TACC3: variants seen among roughly 807,000 people sequenced by gnomAD.
TACC3 encodes transforming acidic coiled-coil containing protein 3.
Under a neutral mutation model 86.0 loss-of-function variants are expected in TACC3, and 52 were observed. That is an observed-to-expected ratio of 0.60 (90% CI 0.48 to 0.76). TACC3 has a LOEUF of 0.76. Among genes scored for constraint, TACC3 ranks in the 30% least tolerant of loss-of-function variants. TACC3 has a pLI of 0.00. For missense variants in TACC3, 1,120 were observed against 1,070.4 expected (o/e 1.05, Z -0.65); for synonymous variants, 512 against 430.0 (o/e 1.19, Z -2.36).
intron 1 of TACC3, among the ~76,000 whole-genome samples, chr4:1,722,417 C>G (rs752913559): frequency 6.6e-6 from 1 of 152,188 alleles, no homozygotes; most frequent in Non-Finnish European, 1.5e-5. Context: ...GTGCCAGTGG[C>G]CAGGCCCGGG....
chr4:1,734,802 A>G (rs1458539788), intron 6 of TACC3, among the ~76,000 whole-genome samples: 1 of 151,992 alleles, frequency 6.6e-6, no homozygotes, highest in African/African-American at 2.4e-5. Flanking sequence ...TCCCTGTAAT[A>G]GGAGTGCAGC....
chr4:1,729,932 C>T (rs945497272), intron 4 of TACC3, among the ~76,000 whole-genome samples: 1 of 152,252 alleles, frequency 6.6e-6, no homozygotes, highest in Admixed American at 6.5e-5. Context: ...CCTCCAGTGG[C>T]CCTGTCCGGG....
chr4:1,724,190 T>C (rs1717570817), intron 3 of TACC3, among the ~76,000 whole-genome samples: 1 of 151,694 alleles, frequency 6.6e-6, no homozygotes, highest in Non-Finnish European at 1.5e-5. Flanking sequence ...AGGATGGTCT[T>C]GATCTCCTCC....
intron 6 of TACC3, among the ~76,000 whole-genome samples, chr4:1,733,500 C>T (rs1466389234): frequency 1.8e-5 from 2 of 110,626 alleles, no homozygotes; most frequent in Non-Finnish European, 1.9e-5. Flanking sequence ...CAAAAAAAAC[C>T]TTTTTTTTTA....
intron 13 of TACC3, 113 bp from the exon 14 acceptor site, chr4:1,744,405 C>A (rs573602272): frequency 2.1e-6 from 2 of 969,686 alleles, no homozygotes; most frequent in Admixed American, 4.7e-5. Flanking sequence ...GAGCTACTGG[C>A]TCACGGCTGA....
chr4:1,723,845 C>T lies in TACC3; in HGVS notation c.280C>T (p.His94Tyr), dbSNP rs1453429860. The change falls in exon 3 of 16, where the codon CAC (histidine) becomes TAC (tyrosine). Residue 94 changes from histidine to tyrosine, a missense_variant. Coordinates refer to ENST00000313288, the MANE Select transcript of TACC3 (RefSeq NM_006342.3). ...TGACACCCTTGGACTGGAAAACTCA[C>T]ACCCGGTCTGGACACAGAAAGAGAA... ...QDDTLGLENSHPVWTQKENQQ... is the reference protein window; with the variant it reads ...QDDTLGLENSYPVWTQKENQQ... 9 of 1,613,404 alleles carry T rather than the reference C, an allele frequency of 5.6e-6. No individual in the cohort carries two copies. The highest frequency in any genetic ancestry group is 3.3e-5 in the Admixed American group (2 of 60,000).
At chr4:1,740,062 T>A in intron 12 of TACC3, 60 bp downstream of exon 12, 1 of 1,572,292 alleles carries the variant, frequency 6.4e-7, no homozygotes, top group Non-Finnish European at 8.7e-7. Context: ...TGCCCCACCC[T>A]GGCCCTGCCC....
At chr4:1,736,641 G>T (rs1718280879) in intron 8 of TACC3, among the ~76,000 whole-genome samples, 2 of 152,100 alleles carry the variant, frequency 1.3e-5, no homozygotes, top group Non-Finnish European at 2.9e-5. Flanking sequence ...GGGCGCAGTG[G>T]CTCACACCTG....
intron 3 of TACC3, among the ~76,000 whole-genome samples, chr4:1,725,635 A>G (rs1008009721): frequency 3.0e-4 from 46 of 152,262 alleles, no homozygotes; most frequent in African/African-American, 1.1e-3. Context: ...AGCAGCCTCC[A>G]TAGGGCAGAG....
At chr4:1,743,213 G>A (rs1358259462) in intron 13 of TACC3, among the ~76,000 whole-genome samples, 4 of 143,460 alleles carry the variant, frequency 2.8e-5, no homozygotes, top group Non-Finnish European at 4.5e-5. Context: ...CCAAGATCGC[G>A]CCATCACACT....
Position 1,737,678 on chromosome 4 carries a change from C to T in TACC3, c.1917C>T (p.Tyr639=), listed in dbSNP as rs1312541835. The part of the protein sequence containing the change: ...STGPIVDLLQ[Y]SQKDLDAVVK... ...GACCTATAGTGGACCTGCTCCAGTA[C>T]AGCCAGAAGGACCTGGATGCAGTGG... The change falls in exon 10 of 16, where the codon TAC becomes TAT. Residue 639 remains tyrosine, a synonymous_variant. Coordinates refer to ENST00000313288, the MANE Select transcript of TACC3 (RefSeq NM_006342.3). 1.3e-6 allele frequency: 2 copies of T among 1,550,954 alleles called. No homozygotes were observed. Among genetic ancestry groups the T allele is most frequent in the Non-Finnish European group, 1.7e-6 (2 of 1,146,852 alleles).
intron 3 of TACC3, among the ~76,000 whole-genome samples, chr4:1,725,547 G>A (rs1261454330): frequency 9.2e-5 from 14 of 152,188 alleles, no homozygotes; most frequent in African/African-American, 2.4e-4. Flanking sequence ...CAGAGAAGTC[G>A]CCTCCCAGCT....
intron 6 of TACC3, among the ~76,000 whole-genome samples, chr4:1,731,721 C>G (rs970090546): frequency 2.6e-5 from 4 of 152,160 alleles, no homozygotes; most frequent in African/African-American, 7.2e-5. Context: ...ATGCAACCTC[C>G]ACTTCCCAGG....
rs536952943 is a variant in TACC3 at position 1,739,621 on chromosome 4, G to T, written c.1942-81G>T. On this transcript the variant is annotated intron_variant, in intron 10 of 15. Transcript: ENST00000313288. ...ACATTGCTCCAGGGACCTCGGGTGC[G>T]GGCTGGCCCCATCCTGTGGGGAGGT... 6 of 1,336,780 alleles carry T rather than the reference G, an allele frequency of 4.5e-6. No individual in the cohort carries two copies. The Admixed American group carries it at 1.0e-4, about 23-fold the overall frequency. The allele number at this position is 1,336,780 out of a possible 1,614,324, so 82.8% of individuals were successfully genotyped here.
rs377098346 is a variant in TACC3 at position 1,745,038 on chromosome 4, C to T, written c.*25C>T. On this transcript the variant is annotated 3_prime_UTR_variant, in exon 16 of 16. Coordinates refer to ENST00000313288, the MANE Select transcript of TACC3 (RefSeq NM_006342.3). ...ACCTCCACGGAGCCGCTGTCCCCGC[C>T]CCCCTGCTCCCGTCTGTCTGTCCTG... 66 of 1,586,482 alleles carry T rather than the reference C, an allele frequency of 4.2e-5. No homozygotes were observed. In the African/African-American group the frequency reaches 7.8e-4, roughly 19 times the overall value.
In TACC3 at chr4:1,735,507, TG is replaced by T. The variant is rs1435539432; in HGVS notation, c.1644+184del. Among the ~76,000 whole-genome samples, 1 of 152,120 alleles carries T rather than the reference TG, an allele frequency of 6.6e-6. No individual in the cohort carries two copies. Among genetic ancestry groups the T allele is most frequent in the African/African-American group, 2.4e-5 (1 of 41,418 alleles). On this transcript the variant is annotated intron_variant, in intron 7 of 15. Transcript: ENST00000313288. The surrounding 1 kb of genome is among the most constrained non-coding windows in gnomAD (Gnocchi z 4.2). ...AGCACCTCCTCTAAGTGGTGTCCTG[TG>T]GCAGGGCTCTAGGGCTCTCTACCTG...
At chr4:1,731,138 G>T (rs1377910379) in intron 5 of TACC3, 34 bp from the exon 6 acceptor site, 2 of 1,611,552 alleles carry the variant, frequency 1.2e-6, no homozygotes, top group African/African-American at 2.7e-5. Flanking sequence ...TACCTTGACT[G>T]CACTGCACAG....
rs199671695 is a variant in TACC3, at chr4:1,728,693, C to G, written c.1291C>G (p.Pro431Ala). 6.8e-5 allele frequency: 109 copies of G among 1,613,658 alleles called. No homozygotes were observed. Among genetic ancestry groups the G allele is most frequent in the Non-Finnish European group, 8.6e-5 (102 of 1,180,008 alleles). ...DTKSGCSEAQ[P>A]PESPETRLGQ... ...CAAGTCTGGTTGCAGTGAGGCCCAG[C>G]CCCCAGAAAGCCCTGAGACCAGGCT... The change falls in exon 4 of 16, where the codon CCC becomes GCC. Residue 431 changes from proline (P) to alanine (A), a missense_variant. Pro to Ala is a conservative substitution (Grantham distance 27). Transcript: ENST00000313288.
chr4:1,725,321 T>C (rs1717632725), intron 3 of TACC3, among the ~76,000 whole-genome samples: 1 of 152,112 alleles, frequency 6.6e-6, no homozygotes, highest in African/African-American at 2.4e-5. Context: ...TGAGATAAAA[T>C]GTCACCAGTA....
Sources: allele counts gnomAD v4.1 joint callset (sites outside exome capture counted in the v4.1 genomes callset), GRCh38; gene constraint gnomAD v4.1.1; non-coding constraint Gnocchi (gnomAD v3.1); transcripts MANE v1.5; gene names NCBI Gene and HGNC (gene_info 2026-07-23, HGNC 2026-07-21).